KLRG2: variants seen among roughly 807,000 people sequenced by gnomAD.
KLRG2 encodes the protein killer cell lectin-like receptor subfamily G member 2.
KLRG2 carries 39 observed loss-of-function variants against 35.4 expected under a neutral mutation model. The observed-to-expected ratio is 1.10, with a 90% CI of 0.85 to 1.44. The LOEUF is 1.44. KLRG2 is among the 40% of genes most tolerant of loss of function. The probability of loss-of-function intolerance (pLI) is 0.00; values close to 1 mark genes in which losing one functional copy is unlikely to be tolerated. For synonymous variants in KLRG2, 283 were observed against 265.8 expected (o/e 1.06, Z -0.63); for missense variants, 632 against 570.9 (o/e 1.11, Z -1.09).
chr7:139,450,215 G>GC (rs1554402289), downstream of KLRG2, among the ~76,000 whole-genome samples: 2 of 139,422 alleles, frequency 1.4e-5, no homozygotes, highest in Admixed American at 7.2e-5. Context: ...GCTAATGTTT[G>GC]TTTTTTTTTT....
chr7:139,460,311 G>C (rs1158716881), intron 3 of KLRG2, among the ~76,000 whole-genome samples: 1 of 152,182 alleles, frequency 6.6e-6, no homozygotes, highest in Non-Finnish European at 1.5e-5. Flanking sequence ...GGTCTGTTTA[G>C]TTTGTTTTCT....
intron 3 of KLRG2, among the ~76,000 whole-genome samples, chr7:139,457,448 T>C (rs1476166801): frequency 2.0e-5 from 3 of 152,166 alleles, no homozygotes; most frequent in African/African-American, 7.2e-5. Flanking sequence ...CTTAGACAAG[T>C]TACCCAACCT....
chr7:139,445,583 T>C, the KLRG2 span, among the ~76,000 whole-genome samples: 305 of 151,214 alleles, frequency 2.0e-3, 1 homozygote, highest in Non-Finnish European at 3.1e-3. Flanking sequence ...GCCTGACAGG[T>C]GGCAGGGGAC....
At chr7:139,468,906 G>A (rs1437500996) in intron 3 of KLRG2, among the ~76,000 whole-genome samples, 1 of 152,156 alleles carries the variant, frequency 6.6e-6, no homozygotes, top group Non-Finnish European at 1.5e-5. Flanking sequence ...TGTGACTGGG[G>A]TTGTTACAAG....
chr7:139,449,438 T>C (rs552567237), downstream of KLRG2, among the ~76,000 whole-genome samples: 86 of 152,130 alleles, frequency 5.7e-4, no homozygotes, highest in Non-Finnish European at 1.1e-3. Context: ...GGGGCACTTA[T>C]AGGACTGGAA....
At chr7:139,435,055 T>C in the KLRG2 span, among the ~76,000 whole-genome samples, 1 of 152,290 alleles carries the variant, frequency 6.6e-6, no homozygotes, top group South Asian at 2.1e-4. Context: ...GAGTTGAATG[T>C]AGTTTAGATT....
chr7:139,469,203 A>G (rs971862163), intron 3 of KLRG2, among the ~76,000 whole-genome samples: 14 of 152,240 alleles, frequency 9.2e-5, no homozygotes, highest in Non-Finnish European at 2.1e-4. Flanking sequence ...GCTGTCACCC[A>G]GGCTGGAGTG....
chr7:139,442,787 C>T, the KLRG2 span, among the ~76,000 whole-genome samples: 6 of 152,106 alleles, frequency 3.9e-5, no homozygotes, highest in Admixed American at 3.3e-4. Context: ...CAGTATCATG[C>T]CACTATCCTC....
At chr7:139,443,859 G>A in the KLRG2 span, among the ~76,000 whole-genome samples, 2 of 152,188 alleles carry the variant, frequency 1.3e-5, no homozygotes, top group African/African-American at 2.4e-5. Flanking sequence ...ACTAGGTTAA[G>A]TCCCATGATA....
rs961551345 is a variant in KLRG2 at position 139,471,553 on chromosome 7, C to T, written c.1005+8074G>A. On this transcript the variant is annotated intron_variant, in intron 3 of 4. Coordinates refer to ENST00000340940, the MANE Select transcript of KLRG2 (RefSeq NM_198508.4). Reference sequence around the variant, plus strand: ...GCAGGTGCCTGTAACCCCAGCTACTCGGAAGGCTGAGATGGGAGGATCACT... The same window carrying T: ...GCAGGTGCCTGTAACCCCAGCTACTTGGAAGGCTGAGATGGGAGGATCACT... Among the ~76,000 whole-genome samples the T allele has an allele frequency of 3.3e-5, 5 of 151,966 alleles. No homozygotes were observed. In the South Asian group the frequency reaches 6.2e-4, roughly 19 times the overall value.
intron 3 of KLRG2, among the ~76,000 whole-genome samples, chr7:139,478,308 G>A (rs964152241): frequency 6.7e-6 from 1 of 150,114 alleles, no homozygotes; most frequent in Admixed American, 6.7e-5. Flanking sequence ...CAAGGCTGCA[G>A]TAAGCCATGA....
At chr7:139,445,781 G>GTATATATATA in the KLRG2 span, among the ~76,000 whole-genome samples, 714 of 96,530 alleles carry the variant, frequency 7.4e-3, 33 homozygotes, top group Middle Eastern at 0.022. Context: ...ATATATATAT[G>GTATATATATA]TATATATATA....
chr7:139,445,797 G>GTA, the KLRG2 span, among the ~76,000 whole-genome samples: 88 of 98,896 alleles, frequency 8.9e-4, 1 homozygote, highest in African/African-American at 2.1e-3. Context: ...ATATATGTGT[G>GTA]TATATATATA....
Position 139,483,168 on chromosome 7 carries a change from G to A in KLRG2, c.475C>T (p.Pro159Ser), listed in dbSNP as rs756589521. Reference protein sequence around the residue: ...RFLKVPVPESPAFSRHADPAH... With the variant: ...RFLKVPVPESSAFSRHADPAH... ...GGGTCCGCGTGGCGGGAGAAGGCAG[G>A]GGACTCGGGCACCGGCACCTTGAGG... is the stretch of plus-strand genomic sequence containing the variant. Residue 159 changes from proline (P) to serine (S), a missense_variant, in exon 1 of 5, where the codon CCT becomes TCT. Pro to Ser is a moderately conservative substitution (Grantham distance 74, BLOSUM62 -1). Coordinates refer to ENST00000340940, the MANE Select transcript of KLRG2 (RefSeq NM_198508.4). 8.0e-6 allele frequency: 12 copies of A among 1,501,892 alleles called. No homozygotes were observed. The highest frequency in any genetic ancestry group is 6.5e-5 in the Admixed American group (3 of 46,178). 93.0% of individuals were successfully genotyped at this position (1,501,892 alleles called of 1,614,324 possible).
the KLRG2 span, among the ~76,000 whole-genome samples, chr7:139,432,120 C>G: frequency 5.3e-5 from 8 of 152,050 alleles, no homozygotes; most frequent in Admixed American, 5.2e-4. Context: ...CTTTGAGAGG[C>G]TAAGGCAGGA....
At chr7:139,475,044 G>GAC (rs1359236054) in intron 3 of KLRG2, among the ~76,000 whole-genome samples, 2 of 152,238 alleles carry the variant, frequency 1.3e-5, no homozygotes, top group East Asian at 3.8e-4. Flanking sequence ...AATTGGAGCA[G>GAC]ACAGGCCTCG....
At chr7:139,455,543 G>A (rs375260937) in intron 3 of KLRG2, among the ~76,000 whole-genome samples, 40 of 151,448 alleles carry the variant, frequency 2.6e-4, no homozygotes, top group Non-Finnish European at 4.1e-4. Flanking sequence ...AGATGGTCTC[G>A]ATCTCCTGAC....
the KLRG2 span, among the ~76,000 whole-genome samples, chr7:139,435,061 A>C: frequency 1.3e-5 from 2 of 152,210 alleles, no homozygotes; most frequent in East Asian, 3.8e-4. Context: ...AATGTAGTTT[A>C]GATTAACCCC....
intron 3 of KLRG2, among the ~76,000 whole-genome samples, chr7:139,458,078 T>C (rs529809913): frequency 2.6e-5 from 4 of 152,254 alleles, no homozygotes; most frequent in South Asian, 4.1e-4. Context: ...TTTTTAAAAA[T>C]TGTGATAAAA....
Sources: gnomAD v4.1 joint callset for allele counts (sites outside exome capture counted in the v4.1 genomes callset) on GRCh38, gnomAD v4.1.1 for gene constraint, MANE v1.5 for transcripts, NCBI Gene and HGNC (gene_info 2026-07-23, HGNC 2026-07-21) for gene names.